The following BMP5 variants were observed in gnomAD, a reference collection of about 807,000 sequenced individuals.
BMP5 encodes the protein bone morphogenetic protein 5.
A neutral mutation model predicts 46.6 loss-of-function variants in BMP5; 23 were observed. The observed-to-expected ratio is 0.49, with a 90% CI of 0.35 to 0.70. BMP5 has a LOEUF of 0.70. Ranked by LOEUF, BMP5 falls within the 30% of genes least tolerant of loss-of-function variation. The pLI is 0.00. For synonymous variants in BMP5, 204 were observed against 191.9 expected (o/e 1.06, Z -0.52); for missense variants, 545 against 565.6 (o/e 0.96, Z 0.37).
chr6:55,767,492 A>G (rs1057067974), intron 4 of BMP5, among the ~76,000 whole-genome samples: 2 of 152,006 alleles, frequency 1.3e-5, no homozygotes, highest in African/African-American at 4.8e-5. Context: ...AGTCAGAGAG[A>G]GGTAATATAT....
At chr6:55,815,988 C>G (rs1776253423) in intron 2 of BMP5, among the ~76,000 whole-genome samples, 1 of 151,808 alleles carries the variant, frequency 6.6e-6, no homozygotes, top group South Asian at 2.1e-4. Flanking sequence ...AGTGGGCATA[C>G]AGAAAAGATA....
chr6:55,808,599 C>T (rs965049661), intron 2 of BMP5, among the ~76,000 whole-genome samples: 5 of 152,156 alleles, frequency 3.3e-5, no homozygotes, highest in Non-Finnish European at 7.4e-5. Context: ...GCACTGGTGG[C>T]GTGGGCTCAC....
At chr6:55,824,587 G>C (rs1194774098) in intron 1 of BMP5, among the ~76,000 whole-genome samples, 1 of 151,916 alleles carries the variant, frequency 6.6e-6, no homozygotes, top group East Asian at 1.9e-4. Context: ...ACTTGTTAAA[G>C]GGGATAGAAG....
At chr6:55,855,444 G>A (rs2127551629) in intron 1 of BMP5, among the ~76,000 whole-genome samples, 1 of 152,078 alleles carries the variant, frequency 6.6e-6, no homozygotes, top group African/African-American at 2.4e-5. Context: ...AGTTAATGTA[G>A]TAATCATTAA....
intron 2 of BMP5, among the ~76,000 whole-genome samples, chr6:55,802,508 C>T (rs776078850): frequency 2.6e-5 from 4 of 151,878 alleles, no homozygotes; most frequent in Non-Finnish European, 5.9e-5. Context: ...GCTAATGGCC[C>T]AGACACTTCA....
At chr6:55,798,569 T>C (rs1250557862) in intron 2 of BMP5, among the ~76,000 whole-genome samples, 1 of 152,190 alleles carries the variant, frequency 6.6e-6, no homozygotes, top group Non-Finnish European at 1.5e-5. Flanking sequence ...CTATGGTTAA[T>C]AAAGTCATCA....
intron 1 of BMP5, among the ~76,000 whole-genome samples, chr6:55,865,221 ATT>A (rs139051714): frequency 1.3e-5 from 2 of 149,726 alleles, no homozygotes; most frequent in African/African-American, 4.9e-5. Flanking sequence ...AAAACTTTTC[ATT>A]TTTTTTTTAC....
At chr6:55,782,122 A>G (rs1380233644) in intron 3 of BMP5, among the ~76,000 whole-genome samples, 2 of 152,120 alleles carry the variant, frequency 1.3e-5, no homozygotes, top group Non-Finnish European at 2.9e-5. Flanking sequence ...CTGCAGGAAC[A>G]CATTTTGAAT....
intron 1 of BMP5, among the ~76,000 whole-genome samples, chr6:55,833,873 T>A (rs1415540835): frequency 6.6e-6 from 1 of 152,150 alleles, no homozygotes; most frequent in Non-Finnish European, 1.5e-5. Flanking sequence ...AGTCCTACAA[T>A]GTCCAGAGAG....
chr6:55,796,796 T>C (rs1341784656), intron 2 of BMP5, among the ~76,000 whole-genome samples: 15 of 152,060 alleles, frequency 9.9e-5, no homozygotes, highest in Non-Finnish European at 2.1e-4. Flanking sequence ...TGATGATGTA[T>C]ATATTTAGAA....
chr6:55,789,631 A>C (rs926238186), intron 3 of BMP5, among the ~76,000 whole-genome samples: 1 of 152,090 alleles, frequency 6.6e-6, no homozygotes, highest in African/African-American at 2.4e-5. Flanking sequence ...GGACAGATTT[A>C]AGCCTACTCA....
chr6:55,844,021 G>C (rs1777034646), intron 1 of BMP5, among the ~76,000 whole-genome samples: 1 of 151,914 alleles, frequency 6.6e-6, no homozygotes, highest in South Asian at 2.1e-4. Flanking sequence ...GAATGATCTA[G>C]GGAGAAGCTT....
intron 1 of BMP5, among the ~76,000 whole-genome samples, chr6:55,832,669 C>T (rs994568306): frequency 7.2e-5 from 11 of 152,130 alleles, no homozygotes; most frequent in African/African-American, 2.4e-4. Context: ...GCATTCAAAT[C>T]GGTACCTAAC....
At chr6:55,858,241 A>AT (rs1000349405) in intron 1 of BMP5, among the ~76,000 whole-genome samples, 2 of 151,922 alleles carry the variant, frequency 1.3e-5, no homozygotes, top group African/African-American at 2.4e-5. Flanking sequence ...ATTCTTCTCA[A>AT]TTTTTTTTCA....
intron 1 of BMP5, among the ~76,000 whole-genome samples, chr6:55,838,536 G>C (rs1289169866): frequency 2.0e-5 from 3 of 151,836 alleles, no homozygotes; most frequent in Admixed American, 2.0e-4. Flanking sequence ...ATATATTCTG[G>C]CCATTAATCC....
chr6:55,760,402 T>G, intron 5 of BMP5, 55 bp downstream of exon 5: 1 of 1,501,632 alleles, frequency 6.7e-7, no homozygotes, highest in South Asian at 1.1e-5. Flanking sequence ...TATGACTTAT[T>G]AAGGATTTAT....
Position 55,874,931 on chromosome 6 carries a change from A to G in BMP5, c.-66T>C. ...GTCCTCTTAAAAAAAAAAAAAACCT[A>G]AGGTTCTAGGAGGTACAGTTTCCCA... is the stretch of plus-strand genomic sequence containing the variant. On this transcript the variant is annotated 5_prime_UTR_variant, in exon 1 of 7. Transcript: ENST00000370830. 6.5e-7 allele frequency: 1 copy of G among 1,547,138 alleles called. No individual in the cohort carries two copies. Among genetic ancestry groups the G allele is most frequent in the Non-Finnish European group, 8.8e-7 (1 of 1,142,052 alleles).
intron 6 of BMP5, among the ~76,000 whole-genome samples, chr6:55,756,753 G>T (rs1325282254): frequency 6.6e-6 from 1 of 151,900 alleles, no homozygotes; most frequent in Non-Finnish European, 1.5e-5. Context: ...AAAACTAAAA[G>T]TTGGATAGTT....
Position 55,794,340 on chromosome 6 carries a change from A to T in BMP5, c.771T>A (p.Asn257Lys), listed in dbSNP as rs1206546742. The change falls in exon 3 of 7, where the codon AAT becomes AAA. Residue 257 changes from asparagine (N) to lysine (K), a missense_variant. Physicochemically the swap from Asn to Lys is moderately conservative, Grantham distance 94. Transcript: ENST00000370830. ...WLVFDITVTS[N>K]HWVINPQNNL... ...TATTCTGGGGATTAATCACCCAATG[A>T]TTGCTGGTCACAGTGATATCAAAGA... The T allele has an allele frequency of 6.2e-7, 1 of 1,614,036 alleles. No individual in the cohort carries two copies. The highest frequency in any genetic ancestry group is 8.5e-7 in the Non-Finnish European group (1 of 1,179,898).
Sources: allele counts gnomAD v4.1 joint callset (sites outside exome capture counted in the v4.1 genomes callset), GRCh38; gene constraint gnomAD v4.1.1; transcripts MANE v1.5; gene names NCBI Gene and HGNC (gene_info 2026-07-23, HGNC 2026-07-21).